The following XPR1 variants were observed in gnomAD, a reference collection of about 807,000 sequenced individuals.
XPR1 encodes solute carrier family 53 member 1.
Under a neutral mutation model 87.5 loss-of-function variants are expected in XPR1, and 28 were observed. That is an observed-to-expected ratio of 0.32 (90% CI 0.24 to 0.44). The LOEUF is 0.44. Among genes scored for constraint, XPR1 ranks in the 20% least tolerant of loss-of-function variants. The pLI is 1.00. For missense variants in XPR1, 559 were observed against 862.3 expected (o/e 0.65, Z 4.41); for synonymous variants, 300 against 306.1 (o/e 0.98, Z 0.21).
rs12035742 is a variant in XPR1, at chr1:180,796,232, G to A, written c.224-7156G>A. ...GTCCCATGTGTTTGAGCTTTCTGGC[G>A]ATCTGGCTCTAGAAAACTGAAGTGT... On this transcript the variant is annotated intron_variant, in intron 3 of 14. Transcript: ENST00000367590. 0.022 allele frequency among the ~76,000 whole-genome samples: 3,340 copies of A among 152,158 alleles called. 416 individuals are homozygous for A. The East Asian group carries it at 0.36, about 17-fold the overall frequency.
At chr1:180,831,425 C>A (rs1382895562) in intron 9 of XPR1, among the ~76,000 whole-genome samples, 2 of 87,336 alleles carry the variant, frequency 2.3e-5, no homozygotes, top group African/African-American at 8.9e-5. Context: ...ACTTTAAGTT[C>A]TGGGGTACAT....
intron 2 of XPR1, among the ~76,000 whole-genome samples, chr1:180,698,379 C>G (rs1014293979): frequency 2.6e-5 from 4 of 152,108 alleles, no homozygotes; most frequent in African/African-American, 9.7e-5. Context: ...ATCCATTCAG[C>G]TAGTATGTAT....
At chr1:180,658,770 C>T (rs982201841) in intron 1 of XPR1, among the ~76,000 whole-genome samples, 3 of 150,522 alleles carry the variant, frequency 2.0e-5, no homozygotes, top group Non-Finnish European at 3.0e-5. Context: ...GGGGTTTCAT[C>T]GTGTTAGGCA....
At chr1:180,879,655 T>C (rs954071959) in intron 13 of XPR1, among the ~76,000 whole-genome samples, 2 of 152,242 alleles carry the variant, frequency 1.3e-5, no homozygotes. Flanking sequence ...GCATACTCTA[T>C]TCCCTTGTCC....
chr1:180,664,120 GC>G (rs1471647437), intron 1 of XPR1, among the ~76,000 whole-genome samples: 6 of 152,158 alleles, frequency 3.9e-5, no homozygotes, highest in African/African-American at 1.4e-4. Context: ...CCTGCTTAGT[GC>G]TCTTTCCTAC....
At chr1:180,642,340 A>T (rs1202704474) in intron 1 of XPR1, among the ~76,000 whole-genome samples, 1 of 152,200 alleles carries the variant, frequency 6.6e-6, no homozygotes, top group Non-Finnish European at 1.5e-5. Flanking sequence ...GCCAAGCCAA[A>T]GTCAGAGCAT....
At chr1:180,648,137 A>C (rs931440811) in intron 1 of XPR1, among the ~76,000 whole-genome samples, 1 of 152,162 alleles carries the variant, frequency 6.6e-6, no homozygotes, top group Non-Finnish European at 1.5e-5. Context: ...TCAGCTCCAA[A>C]ACTTTCACTA....
chr1:180,633,596 G>A (rs1654666207), intron 1 of XPR1, among the ~76,000 whole-genome samples: 2 of 152,136 alleles, frequency 1.3e-5, no homozygotes, highest in African/African-American at 2.4e-5. Flanking sequence ...GCAACCTAGA[G>A]TATTTCATTA....
chr1:180,691,196 T>C (rs538252433), intron 2 of XPR1, among the ~76,000 whole-genome samples: 1 of 152,242 alleles, frequency 6.6e-6, no homozygotes, highest in South Asian at 2.1e-4. Flanking sequence ...ATTGAGAGAC[T>C]ATGTATTTTG....
chr1:180,840,566 G>GTGTGTGTGTATA (rs1258711178), intron 11 of XPR1, among the ~76,000 whole-genome samples: 7 of 136,398 alleles, frequency 5.1e-5, no homozygotes, highest in Middle Eastern at 3.7e-3. Flanking sequence ...GTGTGTGTGT[G>GTGTGTGTGTATA]TATATATATA....
intron 1 of XPR1, among the ~76,000 whole-genome samples, chr1:180,668,145 T>TTTG: frequency 6.7e-6 from 1 of 149,038 alleles, no homozygotes; most frequent in African/African-American, 2.5e-5. Flanking sequence ...TTTTTTTTTT[T>TTTG]TAAGACAGAG....
chr1:180,802,514 A>G (rs1307056235), intron 3 of XPR1, among the ~76,000 whole-genome samples: 1 of 152,184 alleles, frequency 6.6e-6, no homozygotes, highest in African/African-American at 2.4e-5. Flanking sequence ...ACATTTCTTA[A>G]TGGCGTTTTT....
intron 2 of XPR1, among the ~76,000 whole-genome samples, chr1:180,765,571 G>A (rs138798049): frequency 3.5e-4 from 53 of 152,110 alleles, no homozygotes; most frequent in African/African-American, 1.2e-3. Flanking sequence ...CAAAATCTGT[G>A]GGTGCCCATG....
chr1:180,750,319 A>G (rs1036827497), intron 2 of XPR1, among the ~76,000 whole-genome samples: 1 of 152,174 alleles, frequency 6.6e-6, no homozygotes, highest in East Asian at 1.9e-4. Flanking sequence ...AAAGGGGAAG[A>G]ACTAATTGCT....
intron 2 of XPR1, among the ~76,000 whole-genome samples, chr1:180,759,527 A>C (rs372793197): frequency 3.9e-5 from 6 of 152,214 alleles, no homozygotes; most frequent in Non-Finnish European, 7.3e-5. Context: ...GAAATGGATA[A>C]ATTCCTCGAC....
chr1:180,884,189 C>A lies in XPR1; in HGVS notation c.*123C>A. ...GAAAACACATAACACATTTTCCGAG[C>A]TCTTCCGGATCGGATCCTATGGACT... On this transcript the variant is annotated 3_prime_UTR_variant, in exon 15 of 15. Coordinates refer to ENST00000367590, the MANE Select transcript of XPR1 (RefSeq NM_004736.4). The A allele has an allele frequency of 1.4e-6, 1 of 732,350 alleles. No individual in the cohort carries two copies. Among genetic ancestry groups the A allele is most frequent in the Non-Finnish European group, 2.2e-6 (1 of 460,394 alleles). The allele number at this position is 732,350 out of a possible 1,614,324, so 45.4% of individuals were successfully genotyped here.
chr1:180,635,281 A>G (rs1654725172), intron 1 of XPR1, among the ~76,000 whole-genome samples: 1 of 152,206 alleles, frequency 6.6e-6, no homozygotes, highest in Non-Finnish European at 1.5e-5. Context: ...CTGTTTGAGT[A>G]TAAATTTTGA....
At chr1:180,682,561 A>G (rs889963898) in intron 2 of XPR1, 150 bp downstream of exon 2, 21 of 334,164 alleles carry the variant, frequency 6.3e-5, no homozygotes, top group African/African-American at 4.4e-4. Context: ...TGATTATTTT[A>G]TATTTTATTC....
chr1:180,640,222 A>G (rs1226343825), intron 1 of XPR1, among the ~76,000 whole-genome samples: 2 of 152,204 alleles, frequency 1.3e-5, no homozygotes, highest in Admixed American at 1.3e-4. Context: ...CAGACTGTGG[A>G]GCTGTTGCTT....
Sources: gnomAD v4.1 joint callset for allele counts (sites outside exome capture counted in the v4.1 genomes callset) on GRCh38, gnomAD v4.1.1 for gene constraint, MANE v1.5 for transcripts, NCBI Gene and HGNC (gene_info 2026-07-23, HGNC 2026-07-21) for gene names.